The following KIAA1217 variants were observed in gnomAD, a reference collection of about 807,000 sequenced individuals.
KIAA1217 encodes the protein sickle tail protein homolog.
Under a neutral mutation model 163.9 loss-of-function variants are expected in KIAA1217, and 88 were observed. The ratio of observed to expected loss-of-function variants is 0.54; its 90% confidence interval spans 0.45 to 0.64. The LOEUF (loss-of-function observed/expected upper bound fraction) is 0.64. Ranked by LOEUF, KIAA1217 falls within the 30% of genes least tolerant of loss-of-function variation. The probability of loss-of-function intolerance (pLI) is 0.00; values close to 1 mark genes in which losing one functional copy is unlikely to be tolerated. For missense variants in KIAA1217, 2,372 were observed against 2,475.0 expected (o/e 0.96, Z 0.88); for synonymous variants, 903 against 923.1 (o/e 0.98, Z 0.39).
intron 1 of KIAA1217, among the ~76,000 whole-genome samples, chr10:23,913,434 G>T (rs945125479): frequency 6.6e-6 from 1 of 151,330 alleles, no homozygotes; most frequent in Non-Finnish European, 1.5e-5. Context: ...AAAAGTAAAA[G>T]ATGCTCTCCT....
At chr10:24,486,130 G>T (rs1295690458) in intron 6 of KIAA1217, among the ~76,000 whole-genome samples, 1 of 152,190 alleles carries the variant, frequency 6.6e-6, no homozygotes, top group Non-Finnish European at 1.5e-5. Context: ...GCCACCTCCA[G>T]CTCTCACCTG....
chr10:23,768,148 T>G (rs772172964), intron 1 of KIAA1217, among the ~76,000 whole-genome samples: 2 of 152,238 alleles, frequency 1.3e-5, no homozygotes, highest in Non-Finnish European at 2.9e-5. Context: ...CAATGAATGC[T>G]GCAAGAGCTG....
At chr10:24,266,341 A>T (rs547229571) in intron 2 of KIAA1217, among the ~76,000 whole-genome samples, 2 of 152,266 alleles carry the variant, frequency 1.3e-5, no homozygotes, top group East Asian at 3.9e-4. Flanking sequence ...AGCCTCCCAA[A>T]GTTCTGCAAT....
intron 2 of KIAA1217, among the ~76,000 whole-genome samples, chr10:24,251,893 T>A (rs1257763142): frequency 3.5e-5 from 5 of 141,090 alleles, no homozygotes; most frequent in African/African-American, 1.3e-4. Context: ...GGCGGGGAGC[T>A]AAGAATTCCT....
At chr10:24,498,607 C>A (rs746156421) in intron 8 of KIAA1217, among the ~76,000 whole-genome samples, 1 of 151,952 alleles carries the variant, frequency 6.6e-6, no homozygotes, top group African/African-American at 2.4e-5. Flanking sequence ...TCGCTTGAGG[C>A]CAGGAGTTCA....
intron 2 of KIAA1217, among the ~76,000 whole-genome samples, chr10:24,371,874 T>C (rs1057211091): frequency 2.6e-5 from 4 of 152,078 alleles, no homozygotes; most frequent in Non-Finnish European, 5.9e-5. Flanking sequence ...ATTCTCTGAT[T>C]TGTAAAAACA....
intron 1 of KIAA1217, among the ~76,000 whole-genome samples, chr10:23,880,390 TA>T (rs1392108952): frequency 6.6e-6 from 1 of 151,770 alleles, no homozygotes; most frequent in Non-Finnish European, 1.5e-5. Context: ...CTGTGGGAGC[TA>T]AAAATTAAAA....
chr10:23,858,272 G>T (rs1213199171), intron 1 of KIAA1217, among the ~76,000 whole-genome samples: 1 of 152,120 alleles, frequency 6.6e-6, no homozygotes, highest in African/African-American at 2.4e-5. Flanking sequence ...AATGTGCCTT[G>T]CTGTGTCATC....
At chr10:23,698,689 T>C (rs920399858) in intron 1 of KIAA1217, among the ~76,000 whole-genome samples, 8 of 152,208 alleles carry the variant, frequency 5.3e-5, no homozygotes, top group African/African-American at 1.9e-4. Flanking sequence ...CACACTCAAA[T>C]GCATGAGTCC....
At chr10:23,965,938 A>C (rs542940421) in intron 1 of KIAA1217, among the ~76,000 whole-genome samples, 5 of 152,356 alleles carry the variant, frequency 3.3e-5, no homozygotes, top group African/African-American at 1.2e-4. Context: ...ACACTGATTT[A>C]ATGGCTTGAC....
chr10:24,229,855 A>G (rs2071124880), intron 2 of KIAA1217, among the ~76,000 whole-genome samples: 1 of 152,064 alleles, frequency 6.6e-6, no homozygotes, highest in Admixed American at 6.6e-5. Flanking sequence ...AAGGACATAA[A>G]TTTTTTAGCA....
intron 2 of KIAA1217, among the ~76,000 whole-genome samples, chr10:24,286,144 G>A (rs1233444595): frequency 2.0e-5 from 3 of 152,170 alleles, no homozygotes; most frequent in South Asian, 2.1e-4. Context: ...GTAGAATTGT[G>A]TATCTTTTCA....
intron 1 of KIAA1217, among the ~76,000 whole-genome samples, chr10:23,868,749 C>T (rs1056642334): frequency 9.2e-5 from 14 of 152,090 alleles, no homozygotes; most frequent in Non-Finnish European, 8.8e-5. Flanking sequence ...AGGCCTGCTG[C>T]GTTGTCAGGA....
At chr10:24,195,471 A>G (rs1311879006) in intron 2 of KIAA1217, among the ~76,000 whole-genome samples, 1 of 152,136 alleles carries the variant, frequency 6.6e-6, no homozygotes, top group African/African-American at 2.4e-5. Flanking sequence ...GCAGCCATGA[A>G]CCTGCCCTGT....
chr10:24,432,162 C>A (rs1006352806), intron 3 of KIAA1217, among the ~76,000 whole-genome samples: 1 of 143,246 alleles, frequency 7.0e-6, no homozygotes, highest in Non-Finnish European at 1.5e-5. Context: ...CTTACTCTAT[C>A]GCCCAGGCTG....
intron 1 of KIAA1217, among the ~76,000 whole-genome samples, chr10:23,905,276 G>A (rs760721633): frequency 1.3e-5 from 2 of 151,464 alleles, no homozygotes; most frequent in Admixed American, 6.6e-5. Flanking sequence ...CTCTTGAGAG[G>A]GTATGAGCAG....
chr10:24,458,706 G>T (rs1017703870), intron 5 of KIAA1217, among the ~76,000 whole-genome samples: 6 of 152,176 alleles, frequency 3.9e-5, no homozygotes, highest in African/African-American at 1.2e-4. Flanking sequence ...AGAATTAAAT[G>T]AGGTAATTTT....
At position 23,721,190 on chromosome 10, in the gene KIAA1217, C is replaced by T. The variant is rs575484798; in HGVS notation, c.-321+25956C>T. Among the ~76,000 whole-genome samples the T allele has an allele frequency of 1.1e-4, 16 of 152,294 alleles. No individual in the cohort carries two copies. The South Asian group carries it at 3.3e-3, about 32-fold the overall frequency. ...CCCTTGAAAAATCAGATGTAACTTC[C>T]AAAGTGACTCTAGGAATTTCAAATT... On this transcript the variant is annotated intron_variant, in intron 1 of 18. Transcript: ENST00000376462.
In KIAA1217 at chr10:23,966,289, T is replaced by G. The variant is rs370867431; in HGVS notation, c.-320-40936T>G. ...ATCTGCCAAGAGACTGAGCAAAGGC[T>G]GTAAGCATTGTTCGTGGAATTGAGA... On this transcript the variant is annotated intron_variant, in intron 1 of 18. Coordinates refer to the KIAA1217 transcript ENST00000376462. Among the ~76,000 whole-genome samples, 17 of 152,296 alleles carry G rather than the reference T, an allele frequency of 1.1e-4. No homozygotes were observed. The South Asian group carries it at 3.5e-3, about 32-fold the overall frequency.
Sources: gnomAD v4.1 joint callset for allele counts (sites outside exome capture counted in the v4.1 genomes callset) on GRCh38, gnomAD v4.1.1 for gene constraint, MANE v1.5 for transcripts, NCBI Gene and HGNC (gene_info 2026-07-23, HGNC 2026-07-21) for gene names.